The following KCNC4 variants were observed in gnomAD, a reference collection of about 807,000 sequenced individuals.
KCNC4 encodes potassium voltage-gated channel subfamily C member 4.
A neutral mutation model predicts 42.8 loss-of-function variants in KCNC4; 23 were observed. The ratio of observed to expected loss-of-function variants is 0.54; its 90% CI spans 0.39 to 0.76. The LOEUF is 0.76. Among genes scored for constraint, KCNC4 ranks in the 30% least tolerant of loss-of-function variants. KCNC4 has a pLI of 0.00. For synonymous variants in KCNC4, 422 were observed against 393.5 expected, an observed-to-expected ratio of 1.07 and a Z score of -0.86; for missense variants, 751 against 898.2, an observed-to-expected ratio of 0.84 and a Z score of 2.10.
intron 1 of KCNC4, among the ~76,000 whole-genome samples, chr1:110,267,051 C>G (rs893304513): frequency 2.0e-5 from 3 of 152,222 alleles, no homozygotes; most frequent in Admixed American, 6.5e-5. Flanking sequence ...GCAGCCCGCA[C>G]GCCTCTGTGG....
At chr1:110,265,243 TTCAGGTTC>T (rs1353665564) in intron 1 of KCNC4, among the ~76,000 whole-genome samples, 2 of 151,972 alleles carry the variant, frequency 1.3e-5, no homozygotes, top group African/African-American at 4.8e-5. Context: ...GTTTATAGTG[TTCAGGTTC>T]TTCCTAGGCT....
chr1:110,273,959 A>G (rs184629623), intron 1 of KCNC4, among the ~76,000 whole-genome samples: 1 of 152,332 alleles, frequency 6.6e-6, no homozygotes, highest in East Asian at 1.9e-4. Flanking sequence ...CTAAAACGTT[A>G]TTAAGAACTT....
intron 3 of KCNC4, among the ~76,000 whole-genome samples, chr1:110,227,534 T>C (rs1415894013): frequency 6.6e-6 from 1 of 152,206 alleles, no homozygotes; most frequent in African/African-American, 2.4e-5. Flanking sequence ...ACCTCTACCC[T>C]CGCCTGTGTT....
chr1:110,215,175 G>T (rs1657720010), intron 1 of KCNC4, among the ~76,000 whole-genome samples: 1 of 152,258 alleles, frequency 6.6e-6, no homozygotes, highest in Admixed American at 6.5e-5. Context: ...GAACTGAGCT[G>T]ATTATGAGAG....
chr1:110,245,220 A>G (rs981762608), exon 4 of KCNC4: 11 of 152,262 alleles, frequency 7.2e-5, no homozygotes, highest in African/African-American at 2.7e-4. Flanking sequence ...GGCTTCTGTG[A>G]CAGAGAGGCA....
At chr1:110,249,489 G>A (rs550043847), downstream of KCNC4, among the ~76,000 whole-genome samples, 10 of 152,144 alleles carry the variant, frequency 6.6e-5, no homozygotes, top group African/African-American at 2.2e-4. Context: ...CCCCTCCCTC[G>A]GCCCGACTTC....
chr1:110,216,248 TC>T (rs1388037824), intron 1 of KCNC4, among the ~76,000 whole-genome samples: 3 of 152,206 alleles, frequency 2.0e-5, no homozygotes, highest in Admixed American at 1.3e-4. Context: ...GGGCCAGGAC[TC>T]ACTGATGCTG....
intron 1 of KCNC4, among the ~76,000 whole-genome samples, chr1:110,257,871 A>C (rs1200229078): frequency 1.3e-5 from 2 of 152,186 alleles, no homozygotes; most frequent in African/African-American, 4.8e-5. Context: ...CCAAGACTAC[A>C]GCTGGTGTGT....
intron 2 of KCNC4, chr1:110,224,111 G>A (rs548976487): frequency 7.0e-6 from 4 of 574,734 alleles, no homozygotes; most frequent in South Asian, 2.3e-5. Flanking sequence ...GATCTTTGGA[G>A]TGAGTATTCC....
At chr1:110,257,266 C>T (rs573275970) in intron 1 of KCNC4, among the ~76,000 whole-genome samples, 6 of 152,338 alleles carry the variant, frequency 3.9e-5, no homozygotes, top group South Asian at 2.1e-4. Context: ...ACAATTTGTA[C>T]AGGCCACTGA....
At chr1:110,227,194 C>T (rs1658441894) in intron 3 of KCNC4, among the ~76,000 whole-genome samples, 1 of 152,206 alleles carries the variant, frequency 6.6e-6, no homozygotes, top group Admixed American at 6.5e-5. Flanking sequence ...AAACCCCAGA[C>T]CCAAACTAGG....
chr1:110,281,293 A>G (rs1659819161), intron 1 of KCNC4, among the ~76,000 whole-genome samples: 1 of 151,992 alleles, frequency 6.6e-6, no homozygotes, highest in African/African-American at 2.4e-5. Flanking sequence ...TGAGCTGTGG[A>G]AGCAGAATTC....
chr1:110,255,478 G>A (rs1659314337), intron 1 of KCNC4, among the ~76,000 whole-genome samples: 1 of 152,200 alleles, frequency 6.6e-6, no homozygotes, highest in Admixed American at 6.5e-5. Context: ...AAGATGCTTA[G>A]CGGGGCTGGA....
At chr1:110,222,691 A>G (rs746974237) in intron 1 of KCNC4, 2 of 431,092 alleles carry the variant, frequency 4.6e-6, no homozygotes, top group Non-Finnish European at 4.2e-6. Flanking sequence ...TATCAAAGGC[A>G]GGTCTAGCAG....
At chr1:110,215,739 C>G (rs1393835157) in intron 1 of KCNC4, among the ~76,000 whole-genome samples, 1 of 152,158 alleles carries the variant, frequency 6.6e-6, no homozygotes, top group Non-Finnish European at 1.5e-5. Flanking sequence ...ACTCATCTGG[C>G]CTAGGTGAGG....
exon 4 of KCNC4, chr1:110,243,589 A>C (rs1414386105): frequency 6.5e-6 from 1 of 153,244 alleles, no homozygotes; most frequent in Non-Finnish European, 1.5e-5. Context: ...GAAGACTGAA[A>C]GCAGATCTCA....
chr1:110,224,874 A>AAAGT (rs1658301801), intron 2 of KCNC4: 1 of 152,394 alleles, frequency 6.6e-6, no homozygotes, highest in African/African-American at 2.4e-5. Flanking sequence ...GCTCTGGGGC[A>AAAGT]AAGTGGGACT....
chr1:110,245,518 C>G (rs1659127086), exon 4 of KCNC4: 1 of 152,194 alleles, frequency 6.6e-6, no homozygotes, highest in South Asian at 2.1e-4. Context: ...GTGTTTTCAA[C>G]ATGGTAGTTA....
rs367956612 is a variant in KCNC4, at chr1:110,233,343, G to C, written c.*371G>C. 1.2e-4 allele frequency: 40 copies of C among 321,172 alleles called. No homozygotes were observed. Among genetic ancestry groups the C allele is most frequent in the African/African-American group, 8.5e-4 (40 of 47,048 alleles). 19.9% of individuals were successfully genotyped at this position (321,172 alleles called of 1,614,324 possible). A position where few individuals can be genotyped will look rare whatever the true frequency, so the allele number is the denominator to read the frequency against. ...TTCTGTTGTTTCTGCTGACTGTGTG[G>C]GTGGAATGTCCCAAGAAAAGTGCAT... On this transcript the variant is annotated 3_prime_UTR_variant, in exon 4 of 4. Coordinates refer to ENST00000438661, the MANE Select transcript of KCNC4 (RefSeq NM_001039574.3).
Sources: allele counts gnomAD v4.1 joint callset (sites outside exome capture counted in the v4.1 genomes callset), GRCh38; gene constraint gnomAD v4.1.1; transcripts MANE v1.5; gene names NCBI Gene and HGNC (gene_info 2026-07-23, HGNC 2026-07-21).